NAT1: variants seen among roughly 807,000 people sequenced by gnomAD.
NAT1 encodes arylamine N-acetyltransferase 1.
For synonymous variants in NAT1, 144 were observed against 122.6 expected (o/e 1.17, Z -1.16); for missense variants, 400 against 339.2 (o/e 1.18, Z -1.41).
At chr8:18,221,275 A>G (rs8190850) in intron 2 of NAT1, among the ~76,000 whole-genome samples, 71 of 147,402 alleles carry the variant, frequency 4.8e-4, no homozygotes, top group South Asian at 1.7e-3. Context: ...ATTCTCTGGC[A>G]TCCTTCAAAT....
At chr8:18,181,845 G>A (rs1802535504) in intron 2 of NAT1, among the ~76,000 whole-genome samples, 1 of 152,128 alleles carries the variant, frequency 6.6e-6, no homozygotes, top group Non-Finnish European at 1.5e-5. Flanking sequence ...AGCAGGCCAG[G>A]ACTTGTTTTC....
chr8:18,189,676 A>G (rs1264993763), intron 2 of NAT1, among the ~76,000 whole-genome samples: 4 of 152,248 alleles, frequency 2.6e-5, no homozygotes, highest in East Asian at 3.9e-4. Flanking sequence ...TTCTCTCCGA[A>G]TTCCCTTGCA....
chr8:18,200,462 C>T (rs1387478137), intron 2 of NAT1, among the ~76,000 whole-genome samples: 1 of 152,136 alleles, frequency 6.6e-6, no homozygotes, highest in Non-Finnish European at 1.5e-5. Flanking sequence ...CATGTTCTCA[C>T]TTATAAGTTG....
chr8:18,206,142 T>G (rs4593588), upstream of NAT1, among the ~76,000 whole-genome samples: 1,376 of 152,282 alleles, frequency 9.0e-3, 26 homozygotes, highest in African/African-American at 0.031. Context: ...AGGGTCTCCT[T>G]CTGCTGGAGT....
Position 18,222,174 on chromosome 8 carries a change from C to A in NAT1, c.127C>A (p.His43Asn), listed in dbSNP as rs747595397. ...RAVPFENLNI[H>N]CGDAMDLGLE... is the part of the protein sequence containing the mutation. Reference sequence around the variant, plus strand: ...TGTTCCCTTTGAGAACCTTAACATCCATTGTGGGGATGCCATGGACTTAGG... The same window carrying A: ...TGTTCCCTTTGAGAACCTTAACATCAATTGTGGGGATGCCATGGACTTAGG... Residue 43 changes from histidine to asparagine, a missense_variant, in exon 3 of 3, where the codon CAT becomes AAT. Coordinates refer to ENST00000307719, the MANE Select transcript of NAT1 (RefSeq NM_000662.8). The A allele has an allele frequency of 9.3e-6, 15 of 1,613,972 alleles. No individual in the cohort carries two copies. Among genetic ancestry groups the A allele is most frequent in the Non-Finnish European group, 1.2e-5 (14 of 1,180,014 alleles).
At chr8:18,187,508 G>A (rs1315873676) in intron 2 of NAT1, among the ~76,000 whole-genome samples, 5 of 152,116 alleles carry the variant, frequency 3.3e-5, no homozygotes, top group African/African-American at 1.2e-4. Flanking sequence ...ATACACCCTG[G>A]AATACTACGC....
chr8:18,214,481 C>T (rs925643081), intron 1 of NAT1, among the ~76,000 whole-genome samples: 5 of 152,198 alleles, frequency 3.3e-5, no homozygotes, highest in Non-Finnish European at 7.3e-5. Flanking sequence ...GTGTAACATT[C>T]TCTTGCTGTC....
At chr8:18,185,521 G>A (rs1387204876) in intron 2 of NAT1, among the ~76,000 whole-genome samples, 1 of 151,940 alleles carries the variant, frequency 6.6e-6, no homozygotes, top group Non-Finnish European at 1.5e-5. Flanking sequence ...TATATTGTTG[G>A]TCTTTGTGCG....
chr8:18,197,466 T>A (rs150401455), intron 2 of NAT1, among the ~76,000 whole-genome samples: 1 of 152,292 alleles, frequency 6.6e-6, no homozygotes, highest in Non-Finnish European at 1.5e-5. Flanking sequence ...TTTTGGTTGT[T>A]ACCACTAGGT....
chr8:18,199,469 G>T (rs574209253), intron 2 of NAT1, among the ~76,000 whole-genome samples: 1 of 151,918 alleles, frequency 6.6e-6, no homozygotes, highest in African/African-American at 2.4e-5. Context: ...TAGGGGAGAC[G>T]TCTAGAGACC....
upstream of NAT1, among the ~76,000 whole-genome samples, chr8:18,205,359 G>C (rs1465611439): frequency 2.0e-5 from 3 of 152,184 alleles, no homozygotes; most frequent in Non-Finnish European, 1.5e-5. Context: ...CTTGGGGGTA[G>C]GGTGCTGGCA....
At chr8:18,193,073 T>C (rs1291187682) in intron 2 of NAT1, among the ~76,000 whole-genome samples, 1 of 99,886 alleles carries the variant, frequency 1.0e-5, no homozygotes, top group African/African-American at 3.1e-5. Context: ...TAGAATTTTT[T>C]TTTTTTTTTT....
intron 1 of NAT1, chr8:18,212,171 A>G (rs1046769101): frequency 6.6e-6 from 1 of 152,226 alleles, no homozygotes; most frequent in African/African-American, 2.4e-5. Flanking sequence ...AGTTCTGCAT[A>G]TCAACCTGCT....
chr8:18,178,719 A>T (rs1361055428), intron 2 of NAT1, among the ~76,000 whole-genome samples: 1 of 152,200 alleles, frequency 6.6e-6, no homozygotes, highest in Non-Finnish European at 1.5e-5. Flanking sequence ...GAGAGGAAGG[A>T]GTAGATAAAA....
In NAT1 at chr8:18,174,275, A is replaced by C. The variant is rs60345769; in HGVS notation, n.92+3536A>C. Among the ~76,000 whole-genome samples the C allele has an allele frequency of 9.6e-3, 1,456 of 152,276 alleles. 33 individuals are homozygous for C. Among genetic ancestry groups the C allele is most frequent in the African/African-American group, 0.033 (1,390 of 41,562 alleles). ...GGACTTATATCCACCATCACTGATT[A>C]CAACATTCTCAGCAAGCCGTATTTC... is the stretch of plus-strand genomic sequence containing the variant. On this transcript the variant is annotated intron_variant and non_coding_transcript_variant, in intron 2 of 4. Transcript: ENST00000517441.
In NAT1 at chr8:18,222,583, A is replaced by T. The variant is rs987151115; in HGVS notation, c.536A>T (p.Asp179Val). The T allele has an allele frequency of 6.2e-7, 1 of 1,613,980 alleles. No homozygotes were observed. Among genetic ancestry groups the T allele is most frequent in the Non-Finnish European group, 8.5e-7 (1 of 1,179,948 alleles). The change falls in exon 3 of 3, where the codon GAT becomes GTT. Residue 179 changes from aspartate to valine, a missense_variant. Physicochemically the swap from Asp to Val is radical, Grantham distance 152 (BLOSUM62 -3). Transcript: ENST00000307719. ...YIPNEEFLHS[D>V]LLEDSKYRKI... ...CCAAATGAAGAATTTCTTCATTCTGATCTCCTAGAAGACAGCAAATACCGA... is the reference window on the plus strand; with the variant it reads ...CCAAATGAAGAATTTCTTCATTCTGTTCTCCTAGAAGACAGCAAATACCGA...
rs4986991 is a variant in NAT1, at chr8:18,222,824, T to C, written c.777T>C (p.Ser259=). 1,396 of 1,607,426 alleles carry C rather than the reference T, an allele frequency of 8.7e-4. 8 individuals are homozygous for C. The African/African-American group carries it at 0.015, about 18-fold the overall frequency. ...ATCTAATAGAGTTCAAGACTCTGAG[T>C]GAGGAAGAAATAGAAAAAGTGCTGA... The part of the protein sequence containing the change: ...NTDLIEFKTL[S]EEEIEKVLKN... Residue 259 remains serine (S), a synonymous_variant, in exon 3 of 3, where the codon AGT becomes AGC. Transcript: ENST00000307719.
upstream of NAT1, among the ~76,000 whole-genome samples, chr8:18,205,138 C>G (rs1241863010): frequency 3.3e-5 from 5 of 152,198 alleles, no homozygotes; most frequent in Non-Finnish European, 5.9e-5. Context: ...GCGGTTACAG[C>G]AAGATCCATT....
intron 2 of NAT1, among the ~76,000 whole-genome samples, chr8:18,194,121 A>C (rs1473129800): frequency 6.6e-6 from 1 of 152,090 alleles, no homozygotes; most frequent in Non-Finnish European, 1.5e-5. Flanking sequence ...AATTGGGACA[A>C]CCGGATGGCC....
Sources: gnomAD v4.1 joint callset for allele counts (sites outside exome capture counted in the v4.1 genomes callset) on GRCh38, gnomAD v4.1.1 for gene constraint, MANE v1.5 for transcripts, NCBI Gene and HGNC (gene_info 2026-07-23, HGNC 2026-07-21) for gene names.